Variants in PITPNC1 observed in about 807,000 individuals in gnomAD.
The protein encoded by PITPNC1 is cytoplasmic phosphatidylinositol transfer protein 1.
A neutral mutation model predicts 44.7 loss-of-function variants in PITPNC1; 18 were observed. The ratio of observed to expected loss-of-function variants is 0.40; its 90% CI spans 0.28 to 0.60. The LOEUF (loss-of-function observed/expected upper bound fraction) is 0.60, where lower values mean the gene tolerates loss of function less well. PITPNC1 is among the 20% of genes least tolerant of loss of function. The pLI, the probability that PITPNC1 is intolerant of heterozygous loss-of-function variation, is 0.39. For missense variants in PITPNC1, 290 were observed against 418.4 expected, an observed-to-expected ratio of 0.69 and a Z score of 2.68; for synonymous variants, 141 against 149.6, an observed-to-expected ratio of 0.94 and a Z score of 0.42.
At chr17:67,649,700 C>A (rs1598932223) in intron 6 of PITPNC1, among the ~76,000 whole-genome samples, 1 of 152,092 alleles carries the variant, frequency 6.6e-6, no homozygotes, top group African/African-American at 2.4e-5. Context: ...GCCTGGCCAA[C>A]AGAGTGAGAC....
intron 1 of PITPNC1, among the ~76,000 whole-genome samples, chr17:67,501,975 TAGTG>T (rs1319274186): frequency 2.0e-5 from 3 of 152,208 alleles, no homozygotes; most frequent in Non-Finnish European, 2.9e-5. Context: ...ACTGACCTAT[TAGTG>T]AGTATTAAAT....
At chr17:67,423,700 G>A (rs1002204404) in intron 1 of PITPNC1, among the ~76,000 whole-genome samples, 1 of 152,090 alleles carries the variant, frequency 6.6e-6, no homozygotes, top group Non-Finnish European at 1.5e-5. Flanking sequence ...CCATCCTATA[G>A]TTCTGGAGCA....
At chr17:67,482,818 G>A (rs1383513939) in intron 1 of PITPNC1, among the ~76,000 whole-genome samples, 1 of 152,174 alleles carries the variant, frequency 6.6e-6, no homozygotes, top group Non-Finnish European at 1.5e-5. Flanking sequence ...TCTACAGCTG[G>A]GAAGAACTTT....
intron 7 of PITPNC1, among the ~76,000 whole-genome samples, chr17:67,673,483 C>T (rs2042546773): frequency 6.6e-6 from 1 of 152,132 alleles, no homozygotes; most frequent in Non-Finnish European, 1.5e-5. Flanking sequence ...GAAACAATTT[C>T]ATCCTTTTTG....
At chr17:67,585,909 G>T (rs1009416069) in intron 5 of PITPNC1, among the ~76,000 whole-genome samples, 7 of 152,172 alleles carry the variant, frequency 4.6e-5, no homozygotes, top group Non-Finnish European at 1.0e-4. Context: ...AACCCTGCAG[G>T]CACATTGATC....
In PITPNC1 at chr17:67,542,271, C is replaced by T. The variant is rs1251842283; in HGVS notation, c.197+9321C>T. Among the ~76,000 whole-genome samples, 2 of 152,044 alleles carry T rather than the reference C, an allele frequency of 1.3e-5. 1 individual carries two copies. Among genetic ancestry groups the T allele is most frequent in the Non-Finnish European group, 2.9e-5 (2 of 68,008 alleles). On this transcript the variant is annotated intron_variant, in intron 2 of 8. Coordinates refer to ENST00000581322, the MANE Select transcript of PITPNC1 (RefSeq NM_012417.4). ...AGAGTATGGATGCATATTTTGGAAC[C>T]AGGGAGATTATGAGTTAGCAAGAGA...
At chr17:67,399,253 T>A (rs1598615930) in intron 1 of PITPNC1, among the ~76,000 whole-genome samples, 1 of 152,220 alleles carries the variant, frequency 6.6e-6, no homozygotes, top group East Asian at 1.9e-4. Flanking sequence ...GACCTTGTGA[T>A]CTGCTCACCT....
intron 1 of PITPNC1, among the ~76,000 whole-genome samples, chr17:67,451,122 C>G (rs561469862): frequency 6.6e-6 from 1 of 152,230 alleles, no homozygotes; most frequent in African/African-American, 2.4e-5. Flanking sequence ...ACTTCCGCCT[C>G]CTGGGTTCAA....
At chr17:67,426,669 G>A (rs1428874543) in intron 1 of PITPNC1, among the ~76,000 whole-genome samples, 1 of 151,980 alleles carries the variant, frequency 6.6e-6, no homozygotes, top group Non-Finnish European at 1.5e-5. Flanking sequence ...AAACCACCAT[G>A]GCACACATAT....
intron 5 of PITPNC1, among the ~76,000 whole-genome samples, chr17:67,606,770 T>TC: frequency 6.6e-6 from 1 of 152,044 alleles, no homozygotes; most frequent in East Asian, 1.9e-4. Context: ...TTTTTTTTTT[T>TC]CTTCTTCCCT....
chr17:67,691,251 ATT>A (rs1364812993), intron 8 of PITPNC1, among the ~76,000 whole-genome samples: 14 of 152,364 alleles, frequency 9.2e-5, no homozygotes, highest in African/African-American at 3.4e-4. Flanking sequence ...TCTTCAACAT[ATT>A]ATGTCTCAAA....
intron 1 of PITPNC1, among the ~76,000 whole-genome samples, chr17:67,499,255 C>T (rs1185533133): frequency 6.6e-6 from 1 of 152,154 alleles, no homozygotes; most frequent in East Asian, 1.9e-4. Context: ...CGCTCTGTTG[C>T]CCATGTTGGA....
At chr17:67,539,517 T>G (rs112581573) in intron 2 of PITPNC1, among the ~76,000 whole-genome samples, 23 of 152,222 alleles carry the variant, frequency 1.5e-4, no homozygotes, top group African/African-American at 5.5e-4. Context: ...CAAATGCACA[T>G]CGTAACGTGC....
chr17:67,516,064 G>A (rs1273907194), intron 1 of PITPNC1, among the ~76,000 whole-genome samples: 1 of 152,142 alleles, frequency 6.6e-6, no homozygotes, highest in African/African-American at 2.4e-5. Context: ...CTTGGCTTCT[G>A]ATTTTGTACC....
Position 67,442,991 on chromosome 17 carries a change from C to T in PITPNC1, c.48+64789C>T, listed in dbSNP as rs2039036744. Among the ~76,000 whole-genome samples the T allele has an allele frequency of 2.6e-5, 4 of 152,172 alleles. No individual in the cohort carries two copies. In the South Asian group the frequency reaches 6.2e-4, roughly 24 times the overall value. On this transcript the variant is annotated intron_variant, in intron 1 of 8. Transcript: ENST00000581322. ...GGCTCTGGTCTATTACAAAAGTCCCCGCGGGCTCTGACCTACACAGCTGCC... is the reference window on the plus strand; with the variant it reads ...GGCTCTGGTCTATTACAAAAGTCCCTGCGGGCTCTGACCTACACAGCTGCC...
chr17:67,570,779 A>AT (rs59128496), intron 4 of PITPNC1, among the ~76,000 whole-genome samples: 60,450 of 145,638 alleles, frequency 0.42, 12,398 homozygotes, highest in East Asian at 0.51. Flanking sequence ...AAAAATCTGT[A>AT]TTTTTTTTTT....
intron 6 of PITPNC1, among the ~76,000 whole-genome samples, chr17:67,651,757 T>C (rs774636440): frequency 1.3e-5 from 2 of 152,226 alleles, no homozygotes; most frequent in Non-Finnish European, 2.9e-5. Flanking sequence ...TCTGTCTCCA[T>C]AGATTTCCCT....
chr17:67,569,908 A>C (rs919114384), intron 4 of PITPNC1, among the ~76,000 whole-genome samples: 8 of 152,206 alleles, frequency 5.3e-5, no homozygotes, highest in Admixed American at 6.5e-5. Flanking sequence ...GAGATAAAAA[A>C]GAAAAGATTT....
intron 5 of PITPNC1, among the ~76,000 whole-genome samples, chr17:67,631,448 T>C (rs1304891576): frequency 7.1e-6 from 1 of 140,140 alleles, no homozygotes; most frequent in Non-Finnish European, 1.5e-5. Flanking sequence ...GCTAACACGG[T>C]GAAACCCCGT....
Sources: allele counts gnomAD v4.1 joint callset (sites outside exome capture counted in the v4.1 genomes callset), GRCh38; gene constraint gnomAD v4.1.1; transcripts MANE v1.5; gene names NCBI Gene and HGNC (gene_info 2026-07-23, HGNC 2026-07-21).